The following AGMO variants were observed in gnomAD, a reference collection of about 807,000 sequenced individuals.
AGMO encodes the protein alkylglycerol monooxygenase, also known as glyceryl-ether monooxygenase.
AGMO carries 75 observed loss-of-function variants against 60.2 expected under a neutral mutation model. The observed-to-expected ratio is 1.25, with a 90% CI of 1.03 to 1.51. The LOEUF is 1.51. AGMO is among the 40% of genes most tolerant of loss of function. The probability of loss-of-function intolerance (pLI) is 0.00; values close to 1 mark genes in which losing one functional copy is unlikely to be tolerated. For synonymous variants in AGMO, 261 were observed against 177.1 expected (o/e 1.47, Z -3.76); for missense variants, 763 against 525.5 (o/e 1.45, Z -4.42).
intron 2 of AGMO, among the ~76,000 whole-genome samples, chr7:15,553,138 A>G (rs1221079121): frequency 2.7e-5 from 4 of 148,816 alleles, no homozygotes; most frequent in African/African-American, 9.9e-5. Flanking sequence ...ACATGGACAC[A>G]GGAAGGGGAA....
intron 12 of AGMO, among the ~76,000 whole-genome samples, chr7:15,295,494 A>C (rs1323072244): frequency 6.6e-6 from 1 of 152,056 alleles, no homozygotes; most frequent in Non-Finnish European, 1.5e-5. Flanking sequence ...GAAAGAAGAA[A>C]TGTGGGTGAT....
At chr7:15,285,161 C>G (rs2128520076) in intron 12 of AGMO, among the ~76,000 whole-genome samples, 1 of 151,830 alleles carries the variant, frequency 6.6e-6, no homozygotes, top group South Asian at 2.1e-4. Context: ...CCCCCGAGAA[C>G]TAAAACAAGG....
At chr7:15,283,906 C>G (rs753962448) in intron 12 of AGMO, among the ~76,000 whole-genome samples, 2 of 151,904 alleles carry the variant, frequency 1.3e-5, no homozygotes, top group Non-Finnish European at 2.9e-5. Flanking sequence ...TGGAATAAAA[C>G]TAGAAATCAA....
At chr7:15,368,197 G>C (rs77144292) in intron 10 of AGMO, among the ~76,000 whole-genome samples, 13,786 of 150,930 alleles carry the variant, frequency 0.091, 680 homozygotes, top group Non-Finnish European at 0.12. Flanking sequence ...GTGAAAGCCA[G>C]AATGTCTTAG....
At chr7:15,225,983 A>G (rs545842469) in intron 12 of AGMO, among the ~76,000 whole-genome samples, 1 of 152,160 alleles carries the variant, frequency 6.6e-6, no homozygotes, top group East Asian at 1.9e-4. Flanking sequence ...GAAAAAATAA[A>G]AGAGATAAAT....
chr7:15,281,526 G>A (rs918367599), intron 12 of AGMO, among the ~76,000 whole-genome samples: 1 of 152,074 alleles, frequency 6.6e-6, no homozygotes, highest in Non-Finnish European at 1.5e-5. Flanking sequence ...ATTGGGTCAG[G>A]AGTGTGTCTG....
At chr7:15,205,599 T>A (rs1458097035) in intron 12 of AGMO, among the ~76,000 whole-genome samples, 1 of 152,158 alleles carries the variant, frequency 6.6e-6, no homozygotes, top group Non-Finnish European at 1.5e-5. Flanking sequence ...TAAAGTCACT[T>A]ACTCTACTTT....
chr7:15,264,560 C>G (rs1783375354), intron 12 of AGMO, among the ~76,000 whole-genome samples: 1 of 151,912 alleles, frequency 6.6e-6, no homozygotes. Context: ...TATCCAGAAT[C>G]TACAAGGAAC....
chr7:15,348,687 G>C (rs1053288103), intron 12 of AGMO, among the ~76,000 whole-genome samples: 2 of 151,908 alleles, frequency 1.3e-5, no homozygotes, highest in Non-Finnish European at 1.5e-5. Flanking sequence ...TATGAGTATA[G>C]CATCACTCTG....
At chr7:15,525,253 C>T (rs76174188) in intron 3 of AGMO, among the ~76,000 whole-genome samples, 6,352 of 152,104 alleles carry the variant, frequency 0.042, 440 homozygotes, top group African/African-American at 0.14. Flanking sequence ...TGGTGAAACC[C>T]GACTTTCAAA....
chr7:15,283,225 T>G (rs1425256907), intron 12 of AGMO, among the ~76,000 whole-genome samples: 2 of 152,022 alleles, frequency 1.3e-5, no homozygotes, highest in African/African-American at 4.8e-5. Flanking sequence ...AAATAATACC[T>G]CACATCTCAC....
chr7:15,261,738 C>A (rs533858099), intron 12 of AGMO, among the ~76,000 whole-genome samples: 2 of 151,662 alleles, frequency 1.3e-5, no homozygotes, highest in African/African-American at 2.4e-5. Flanking sequence ...TGAACATAGA[C>A]GCAAAAATTA....
rs775125939 is a variant in AGMO at position 15,394,110 on chromosome 7, T to A, written c.676+3A>T. 1 of 1,605,450 alleles carries A rather than the reference T, an allele frequency of 6.2e-7. No homozygotes were observed. The highest frequency in any genetic ancestry group is 1.7e-4 in the Middle Eastern group (1 of 6,052). On this transcript the variant is annotated splice_donor_region_variant and intron_variant, in intron 6 of 12. Transcript: ENST00000342526. ...AAAGAGAGAAGAAACAAAACTTCCT[T>A]ACCATGATGAACCCTATGATGGCTA... is the stretch of plus-strand genomic sequence containing the variant.
the AGMO span, among the ~76,000 whole-genome samples, chr7:15,128,629 G>GTA: frequency 6.6e-6 from 1 of 151,908 alleles, no homozygotes; most frequent in Non-Finnish European, 1.5e-5. Context: ...AAGTATATAA[G>GTA]TATATATATC....
chr7:15,495,829 TCTCTCTCTCTCTC>T (rs1300114695), intron 3 of AGMO, among the ~76,000 whole-genome samples: 24 of 94,998 alleles, frequency 2.5e-4, no homozygotes, highest in East Asian at 4.9e-3. Context: ...ACTCTCTCTC[TCTCTCTCTCTCTC>T]CTCTCTCTCT....
At chr7:15,335,010 G>T (rs1472043366) in intron 12 of AGMO, among the ~76,000 whole-genome samples, 1 of 152,116 alleles carries the variant, frequency 6.6e-6, no homozygotes, top group Non-Finnish European at 1.5e-5. Context: ...GGAAATGCTA[G>T]CTTTATGTTG....
chr7:15,198,014 T>G (rs1236728182), downstream of AGMO, among the ~76,000 whole-genome samples: 1 of 152,244 alleles, frequency 6.6e-6, no homozygotes, highest in Non-Finnish European at 1.5e-5. Flanking sequence ...CCTAACAGGA[T>G]TGTAGAGACT....
At chr7:15,553,239 T>G (rs1475752556) in intron 2 of AGMO, among the ~76,000 whole-genome samples, 1 of 151,158 alleles carries the variant, frequency 6.6e-6, no homozygotes, top group Non-Finnish European at 1.5e-5. Context: ...AGTTAGTGGG[T>G]GCAGCGCACC....
chr7:15,385,588 T>C, intron 9 of AGMO, 26 bp from the exon 10 acceptor site: 1 of 1,316,580 alleles, frequency 7.6e-7, no homozygotes, highest in Non-Finnish European at 1.1e-6. Context: ...CCATTTCCTT[T>C]ATATTGCTCC....
Sources: gnomAD v4.1 joint callset for allele counts (sites outside exome capture counted in the v4.1 genomes callset) on GRCh38, gnomAD v4.1.1 for gene constraint, MANE v1.5 for transcripts, NCBI Gene and HGNC (gene_info 2026-07-23, HGNC 2026-07-21) for gene names.